The following GTF2A1L variants were observed in gnomAD, a reference collection of about 807,000 sequenced individuals.
GTF2A1L encodes general transcription factor IIA subunit 1 like.
Under a neutral mutation model 49.7 loss-of-function variants are expected in GTF2A1L, and 48 were observed. That is an observed-to-expected ratio of 0.97 (90% confidence interval 0.77 to 1.23). The LOEUF (loss-of-function observed/expected upper bound fraction) is 1.23, where lower values mean the gene tolerates loss of function less well. Among genes scored for constraint, GTF2A1L ranks in the 50% most tolerant of loss-of-function variants. The probability of loss-of-function intolerance (pLI) is 0.00; values close to 1 mark genes in which losing one functional copy is unlikely to be tolerated. For missense variants in GTF2A1L, 736 were observed against 564.8 expected (o/e 1.30, Z -3.07); for synonymous variants, 246 against 193.5 (o/e 1.27, Z -2.25).
At chr2:48,636,226 T>G (rs1038387992) in intron 3 of GTF2A1L, among the ~76,000 whole-genome samples, 1 of 152,240 alleles carries the variant, frequency 6.6e-6, no homozygotes, top group Non-Finnish European at 1.5e-5. Context: ...AAGGCTATAT[T>G]AACTCCCAGC....
At chr2:48,676,377 G>C (rs1232972301) in intron 8 of GTF2A1L, among the ~76,000 whole-genome samples, 3 of 151,736 alleles carry the variant, frequency 2.0e-5, no homozygotes, top group Admixed American at 6.6e-5. Context: ...GGGATTCTGG[G>C]TCAAAGGGCA....
chr2:48,650,014 A>C (rs1024607010), intron 6 of GTF2A1L, among the ~76,000 whole-genome samples: 4 of 152,088 alleles, frequency 2.6e-5, no homozygotes, highest in African/African-American at 9.7e-5. Context: ...CTTATTCATT[A>C]CTTCCTCCAG....
Position 48,629,232 on chromosome 2 carries a change from C to T in GTF2A1L, c.247+7942C>T, listed in dbSNP as rs540325051. ...CTCTAGCCTGGGCAACAGAGCGAGA[C>T]TCCGTCTCAAAAAAAAAAAAAGTGA... On this transcript the variant is annotated intron_variant, in intron 3 of 8. Coordinates refer to ENST00000403751, the MANE Select transcript of GTF2A1L (RefSeq NM_006872.5). Among the ~76,000 whole-genome samples the T allele has an allele frequency of 2.8e-5, 4 of 141,098 alleles. No homozygotes were observed. In the East Asian group the frequency reaches 6.0e-4, roughly 21 times the overall value. The allele number at this position is 141,098 out of a possible 152,430, so 92.6% of individuals were successfully genotyped here.
chr2:48,647,923 A>C (rs11888304), intron 6 of GTF2A1L, among the ~76,000 whole-genome samples: 2,979 of 152,192 alleles, frequency 0.02, 108 homozygotes, highest in African/African-American at 0.068. Context: ...ACATGTGAAA[A>C]ATACTTAAAG....
intron 6 of GTF2A1L, among the ~76,000 whole-genome samples, chr2:48,650,385 G>A (rs185120368): frequency 7.9e-5 from 12 of 152,202 alleles, no homozygotes; most frequent in Admixed American, 4.6e-4. Flanking sequence ...ATATTTAAGA[G>A]CTTCTGGAGT....
chr2:48,660,145 G>A (rs1422673561), intron 6 of GTF2A1L, among the ~76,000 whole-genome samples: 1 of 151,828 alleles, frequency 6.6e-6, no homozygotes, highest in Non-Finnish European at 1.5e-5. Context: ...ATCTCATTTG[G>A]CCATGGTGTA....
chr2:48,652,426 G>T (rs550943886), intron 6 of GTF2A1L, among the ~76,000 whole-genome samples: 2 of 151,964 alleles, frequency 1.3e-5, no homozygotes, highest in African/African-American at 4.8e-5. Context: ...GACCAGCCTG[G>T]TCAACGTGGT....
chr2:48,641,275 T>A (rs1677182620), intron 3 of GTF2A1L, among the ~76,000 whole-genome samples: 1 of 152,210 alleles, frequency 6.6e-6, no homozygotes, highest in Non-Finnish European at 1.5e-5. Context: ...TAATGCCTGT[T>A]AATAAGCAAG....
intron 6 of GTF2A1L, among the ~76,000 whole-genome samples, chr2:48,655,204 C>T (rs1039474902): frequency 1.3e-5 from 2 of 151,634 alleles, no homozygotes; most frequent in Non-Finnish European, 2.9e-5. Flanking sequence ...ACATATTATA[C>T]ATATTCTGTT....
At chr2:48,622,006 C>G (rs1224969050) in intron 3 of GTF2A1L, among the ~76,000 whole-genome samples, 1 of 152,128 alleles carries the variant, frequency 6.6e-6, no homozygotes, top group Non-Finnish European at 1.5e-5. Flanking sequence ...TAAATGTATA[C>G]TCGCATACAA....
At chr2:48,627,566 A>G (rs1050914194) in intron 3 of GTF2A1L, among the ~76,000 whole-genome samples, 1 of 144,218 alleles carries the variant, frequency 6.9e-6, no homozygotes. Flanking sequence ...ATCATTGGCA[A>G]ATACATGCTG....
Position 48,618,080 on chromosome 2 carries a change from C to T in GTF2A1L, c.21+185C>T, listed in dbSNP as rs552395163. 4.4e-4 allele frequency: 264 copies of T among 604,944 alleles called. 3 individuals are homozygous for T. Among genetic ancestry groups the T allele is most frequent in the East Asian group, 1.3e-3 (43 of 33,014 alleles). The allele number at this position is 604,944 out of a possible 1,614,324, so 37.5% of individuals were successfully genotyped here. ...AGGAAGCTGCTGAGGGCCAGTAGTT[C>T]AGCAGGAAGTTGGGCCAGCCCCGCC... On this transcript the variant is annotated intron_variant, in intron 1 of 8. Transcript: ENST00000403751.
chr2:48,631,428 T>C (rs182054790), intron 3 of GTF2A1L, among the ~76,000 whole-genome samples: 6 of 152,194 alleles, frequency 3.9e-5, no homozygotes, highest in Non-Finnish European at 7.3e-5. Context: ...ATTCTAATAG[T>C]ATCTGAGGAT....
Position 48,646,745 on chromosome 2 carries a change from C to A in GTF2A1L, c.681C>A (p.Ile227=). The part of the protein sequence containing the change: ...ILVSPGNEHK[I]VPEALLCHQE... ...TATCTCCTGGAAATGAGCATAAAAT[C>A]GTGCCTGAAGCTTTGTTGTGTCATC... The change falls in exon 6 of 9, where the codon ATC becomes ATA. Residue 227 remains isoleucine (I), a synonymous_variant. Transcript: ENST00000403751. 1.9e-6 allele frequency: 3 copies of A among 1,614,188 alleles called. No individual in the cohort carries two copies. The highest frequency in any genetic ancestry group is 2.5e-6 in the Non-Finnish European group (3 of 1,180,040).
rs1420336003 is a variant in GTF2A1L at position 48,626,110 on chromosome 2, C to G, written c.247+4820C>G. The stretch of plus-strand genomic sequence containing the variant: ...GGAAATTCACTTCTTCCACCAACAA[C>G]CATTTATTGAAGAAACTATCCTTTC... On this transcript the variant is annotated intron_variant, in intron 3 of 8. Coordinates refer to ENST00000403751, the MANE Select transcript of GTF2A1L (RefSeq NM_006872.5). 5.6e-5 allele frequency among the ~76,000 whole-genome samples: 8 copies of G among 144,070 alleles called. 1 individual carries two copies. The East Asian group carries it at 1.6e-3, about 28-fold the overall frequency. The allele number at this position is 144,070 out of a possible 152,430, so 94.5% of individuals were successfully genotyped here.
At chr2:48,638,643 C>G (rs1285682561) in intron 3 of GTF2A1L, among the ~76,000 whole-genome samples, 2 of 152,092 alleles carry the variant, frequency 1.3e-5, no homozygotes, top group Non-Finnish European at 2.9e-5. Context: ...AAGCTGAATG[C>G]ATTCCCCTTG....
Position 48,627,791 on chromosome 2 carries a change from C to T in GTF2A1L, c.247+6501C>T, listed in dbSNP as rs1676365836. ...TGTTACATGGGTATATTGCATGATT[C>T]TGAGGTTTGGGGTACAAATGCATAG... On this transcript the variant is annotated intron_variant, in intron 3 of 8. Coordinates refer to ENST00000403751, the MANE Select transcript of GTF2A1L (RefSeq NM_006872.5). Among the ~76,000 whole-genome samples the T allele has an allele frequency of 1.4e-5, 2 of 142,476 alleles. 1 individual carries two copies. Among genetic ancestry groups the T allele is most frequent in the Non-Finnish European group, 3.2e-5 (2 of 63,356 alleles). 93.5% of individuals were successfully genotyped at this position (142,476 alleles called of 152,430 possible).
rs1677549344 is a variant in GTF2A1L, at chr2:48,646,916, T to TG, written c.856dup (p.Ala286GlyfsTer8). On this transcript the variant is annotated frameshift_variant, in exon 6 of 9. Transcript: ENST00000403751. LOFTEE classifies it high-confidence loss of function. The stretch of plus-strand genomic sequence containing the variant: ...ATGAGTCCCTCTCCACAAGCCCTCA[T>TG]GGGGCTCTCCACCAGCACGTGACTG... The TG allele has an allele frequency of 6.2e-7, 1 of 1,614,058 alleles. No homozygotes were observed. The highest frequency in any genetic ancestry group is 8.5e-7 in the Non-Finnish European group (1 of 1,180,036).
chr2:48,674,693 A>G (rs1679371930), intron 8 of GTF2A1L, among the ~76,000 whole-genome samples: 1 of 152,150 alleles, frequency 6.6e-6, no homozygotes, highest in African/African-American at 2.4e-5. Context: ...AATTTTCTAG[A>G]CCATTATGGA....
Sources: gnomAD v4.1 joint callset for allele counts (sites outside exome capture counted in the v4.1 genomes callset) on GRCh38, gnomAD v4.1.1 for gene constraint, MANE v1.5 for transcripts, NCBI Gene and HGNC (gene_info 2026-07-23, HGNC 2026-07-21) for gene names.